PITPNM2: variants seen among roughly 807,000 people sequenced by gnomAD.
The protein encoded by PITPNM2 is phosphatidylinositol transfer protein membrane associated 2.
PITPNM2 carries 35 observed loss-of-function variants against 132.2 expected under a neutral mutation model. The ratio of observed to expected loss-of-function variants is 0.26; its 90% CI spans 0.20 to 0.35. PITPNM2 has a LOEUF of 0.35. Ranked by LOEUF, PITPNM2 falls within the 10% of genes least tolerant of loss-of-function variation. The probability of loss-of-function intolerance (pLI) is 1.00; values close to 1 mark genes in which losing one functional copy is unlikely to be tolerated. For missense variants in PITPNM2, 1,332 were observed against 1,912.0 expected, an observed-to-expected ratio of 0.70 and a Z score of 5.66; for synonymous variants, 738 against 799.2, an observed-to-expected ratio of 0.92 and a Z score of 1.29.
chr12:123,028,517 A>T (rs1350322082), intron 3 of PITPNM2, among the ~76,000 whole-genome samples: 2 of 152,190 alleles, frequency 1.3e-5, no homozygotes, highest in African/African-American at 4.8e-5. Context: ...CTGTGCTGAA[A>T]CGTATGTGAA....
chr12:123,104,400 A>G (rs568962685), intron 2 of PITPNM2, among the ~76,000 whole-genome samples: 1 of 152,364 alleles, frequency 6.6e-6, no homozygotes, highest in Non-Finnish European at 1.5e-5. Flanking sequence ...AAAGAAGTGA[A>G]TATGCCCTGC....
intron 1 of PITPNM2, among the ~76,000 whole-genome samples, chr12:123,121,996 A>C (rs1205149537): frequency 6.6e-6 from 1 of 152,164 alleles, no homozygotes; most frequent in Non-Finnish European, 1.5e-5. Flanking sequence ...TATAGTTGGG[A>C]CTACAGGCAC....
chr12:123,040,449 A>AT (rs1228848614), intron 2 of PITPNM2, among the ~76,000 whole-genome samples: 2 of 152,214 alleles, frequency 1.3e-5, no homozygotes, highest in African/African-American at 4.8e-5. Flanking sequence ...ATTTAATCGT[A>AT]TACTTTAAAT....
Position 122,986,318 on chromosome 12 carries a change from C to G in PITPNM2, c.3759G>C (p.Ala1253=). ...FITDGYAAHL[A]QLKYSHRARP... The stretch of plus-strand genomic sequence containing the variant: ...GCGCCCGGTGGCTGTACTTCAGCTG[C>G]GCCAGGTGGGCCGCGTAGCCATCCG... The change falls in exon 26 of 26, where the codon GCG becomes GCC. Residue 1253 remains alanine (A), a synonymous_variant. Coordinates refer to ENST00000320201, the MANE Select transcript of PITPNM2 (RefSeq NM_020845.3). 6.3e-7 allele frequency: 1 copy of G among 1,581,418 alleles called. No individual in the cohort carries two copies. Among genetic ancestry groups the G allele is most frequent in the Non-Finnish European group, 8.6e-7 (1 of 1,165,874 alleles).
rs1203381290 is a variant in PITPNM2 at position 123,000,608 on chromosome 12, G to C, written c.1224+170C>G. 1.4e-6 allele frequency: 1 copy of C among 733,164 alleles called. No individual in the cohort carries two copies. The highest frequency in any genetic ancestry group is 2.3e-6 in the Non-Finnish European group (1 of 439,788). The allele number at this position is 733,164 out of a possible 1,614,324, so 45.4% of individuals were successfully genotyped here. A position where few individuals can be genotyped will look rare whatever the true frequency, so the allele number is the denominator to read the frequency against. ...GAGGGCGACAGGCGCCTTCCTAGCA[G>C]GGCAGCAAAAAAGGAGGCCCAGGCC... On this transcript the variant is annotated intron_variant, in intron 10 of 25. Transcript: ENST00000320201. The surrounding 1 kb of genome is among the most constrained non-coding windows in gnomAD (Gnocchi z 5.4).
intron 2 of PITPNM2, among the ~76,000 whole-genome samples, chr12:123,096,925 A>C (rs1469542992): frequency 6.6e-6 from 1 of 152,200 alleles, no homozygotes; most frequent in Non-Finnish European, 1.5e-5. Flanking sequence ...AGAGGAACTA[A>C]AGGATGCTGG....
At chr12:123,101,985 G>T (rs1490421354) in intron 2 of PITPNM2, among the ~76,000 whole-genome samples, 1 of 152,196 alleles carries the variant, frequency 6.6e-6, no homozygotes, top group Non-Finnish European at 1.5e-5. Context: ...CCGTACTCCA[G>T]CCTGGGTGAC....
intron 2 of PITPNM2, among the ~76,000 whole-genome samples, chr12:123,041,735 GA>G (rs949557488): frequency 6.6e-6 from 1 of 150,946 alleles, no homozygotes; most frequent in Non-Finnish European, 1.5e-5. Flanking sequence ...CACAGACAGA[GA>G]AAAAAAAACA....
At chr12:123,037,802 A>G (rs2040328940) in intron 2 of PITPNM2, among the ~76,000 whole-genome samples, 1 of 152,246 alleles carries the variant, frequency 6.6e-6, no homozygotes, top group African/African-American at 2.4e-5. Flanking sequence ...ACCAGGGGTG[A>G]AATCTCGCAG....
chr12:122,993,862 G>A lies in PITPNM2; in HGVS notation c.2233+939C>T, dbSNP rs547884722. ...AAGGCACTTGGGTGCTGAGTCCAGA[G>A]GTCTGCATTTTTTTTTTTCTTTTTT... On this transcript the variant is annotated intron_variant, in intron 15 of 25. Coordinates refer to ENST00000320201, the MANE Select transcript of PITPNM2 (RefSeq NM_020845.3). This position sits in a 1 kb window ranked among gnomAD's most constrained non-coding sequence, Gnocchi z 5.2. Among the ~76,000 whole-genome samples, 1 of 152,268 alleles carries A rather than the reference G, an allele frequency of 6.6e-6. No individual in the cohort carries two copies. The highest frequency in any genetic ancestry group is 2.1e-4 in the South Asian group (1 of 4,830).
rs2042723714 is a variant in PITPNM2 at position 123,106,756 on chromosome 12, G to A, written c.-96+3629C>T. Among the ~76,000 whole-genome samples, 1 of 152,210 alleles carries A rather than the reference G, an allele frequency of 6.6e-6. No individual in the cohort carries two copies. The highest frequency in any genetic ancestry group is 1.5e-5 in the Non-Finnish European group (1 of 68,030). Reference sequence around the variant, plus strand: ...GGAGGAGCTCTCTGTGGACTTCAGGGCAGCATCTTTGCTCCAGGGCATGAG... The same window carrying A: ...GGAGGAGCTCTCTGTGGACTTCAGGACAGCATCTTTGCTCCAGGGCATGAG... On this transcript the variant is annotated intron_variant, in intron 2 of 25. Coordinates refer to ENST00000320201, the MANE Select transcript of PITPNM2 (RefSeq NM_020845.3). This position sits in a 1 kb window ranked among gnomAD's most constrained non-coding sequence, Gnocchi z 4.4.
At chr12:123,132,914 C>CA (rs2043299674) in intron 1 of PITPNM2, among the ~76,000 whole-genome samples, 2 of 152,294 alleles carry the variant, frequency 1.3e-5, no homozygotes, top group South Asian at 4.1e-4. Flanking sequence ...AACAGTATGG[C>CA]ATATGAACAG....
intron 1 of PITPNM2, among the ~76,000 whole-genome samples, chr12:123,128,484 T>C (rs1266476013): frequency 6.9e-6 from 1 of 145,054 alleles, no homozygotes; most frequent in African/African-American, 2.6e-5. Context: ...GCAGGCGCAG[T>C]GGCTCATGCC....
chr12:123,093,704 G>A (rs887046884), intron 2 of PITPNM2, among the ~76,000 whole-genome samples: 4 of 152,232 alleles, frequency 2.6e-5, no homozygotes, highest in Non-Finnish European at 5.9e-5. Flanking sequence ...CTCTGAGGAT[G>A]GAGCTAGAGG....
chr12:123,068,243 G>A (rs576106224), intron 2 of PITPNM2, among the ~76,000 whole-genome samples: 14 of 152,130 alleles, frequency 9.2e-5, no homozygotes, highest in Middle Eastern at 3.4e-3. Context: ...CAAGGTGGGC[G>A]GATCACAAAG....
chr12:123,076,794 T>G (rs1044618676), intron 2 of PITPNM2, among the ~76,000 whole-genome samples: 11 of 152,238 alleles, frequency 7.2e-5, no homozygotes, highest in Non-Finnish European at 7.3e-5. Context: ...AGAGAGGGGT[T>G]ACTCTCAGAC....
rs544788100 is a variant in PITPNM2, at chr12:123,117,297, G to A, written c.-199-6809C>T. Among the ~76,000 whole-genome samples, 2 of 152,272 alleles carry A rather than the reference G, an allele frequency of 1.3e-5. No homozygotes were observed. The highest frequency in any genetic ancestry group is 2.1e-4 in the South Asian group (1 of 4,822). ...TGGGGAATTTCTCCAGTGATCCTAC[G>A]GAGTAAGCTGGCCATCAGATGATCA... On this transcript the variant is annotated intron_variant, in intron 1 of 25. Transcript: ENST00000320201. This position sits in a 1 kb window ranked among gnomAD's most constrained non-coding sequence, Gnocchi z 4.7.
intron 3 of PITPNM2, among the ~76,000 whole-genome samples, chr12:123,030,667 T>C (rs2136421703): frequency 6.7e-6 from 1 of 149,888 alleles, no homozygotes; most frequent in Admixed American, 6.7e-5. Flanking sequence ...CACTCCACCC[T>C]GGGCGACAGA....
At chr12:123,021,358 G>A (rs1219164251) in intron 3 of PITPNM2, among the ~76,000 whole-genome samples, 1 of 152,114 alleles carries the variant, frequency 6.6e-6, no homozygotes, top group Non-Finnish European at 1.5e-5. Flanking sequence ...ATGAGATAGG[G>A]TCTCAATCTG....
Sources: allele counts gnomAD v4.1 joint callset (sites outside exome capture counted in the v4.1 genomes callset), GRCh38; gene constraint gnomAD v4.1.1; non-coding constraint Gnocchi (gnomAD v3.1); transcripts MANE v1.5; gene names NCBI Gene and HGNC (gene_info 2026-07-23, HGNC 2026-07-21).